Variants in COL6A6 observed in about 807,000 individuals in gnomAD.
The protein encoded by COL6A6 is collagen alpha-6(VI) chain.
A neutral mutation model predicts 208.6 loss-of-function variants in COL6A6; 183 were observed. The observed-to-expected ratio is 0.88, with a 90% CI of 0.78 to 0.99. The LOEUF (loss-of-function observed/expected upper bound fraction) is 0.99, where lower values mean the gene tolerates loss of function less well. COL6A6 is among the 50% of genes least tolerant of loss of function. The probability of loss-of-function intolerance (pLI) is 0.00; values close to 1 mark genes in which losing one functional copy is unlikely to be tolerated. For missense variants in COL6A6, 2,816 were observed against 2,815.2 expected (o/e 1.00, Z -0.01); for synonymous variants, 973 against 1,011.8 (o/e 0.96, Z 0.73).
At chr3:130,598,013 G>C (rs2063898089) in intron 18 of COL6A6, among the ~76,000 whole-genome samples, 1 of 152,120 alleles carries the variant, frequency 6.6e-6, no homozygotes, top group Non-Finnish European at 1.5e-5. Context: ...CAAGAAAAAA[G>C]AGGAAAAGTT....
rs199933702 is a variant in COL6A6, at chr3:130,581,618, C to G, written c.3605C>G (p.Thr1202Ser). 431 of 1,613,822 alleles carry G rather than the reference C, an allele frequency of 2.7e-4. 5 individuals are homozygous for G. The East Asian group carries it at 9.5e-3, about 36-fold the overall frequency. Residue 1202 changes from threonine to serine, a missense_variant, in exon 9 of 37, where the codon ACT (threonine) becomes AGT (serine). By Grantham distance (58) the Thr-to-Ser change is moderately conservative. Coordinates refer to ENST00000358511, the MANE Select transcript of COL6A6 (RefSeq NM_001102608.3). ...FDVSTQEKGQTLLEGQPWMET... is the reference protein window; with the variant it reads ...FDVSTQEKGQSLLEGQPWMET... Reference sequence around the variant, plus strand: ...GTCTCAACTCAGGAGAAAGGGCAGACTTTGCTTGAAGGTCAGCCTTGGATG... The same window carrying G: ...GTCTCAACTCAGGAGAAAGGGCAGAGTTTGCTTGAAGGTCAGCCTTGGATG...
chr3:130,574,524 C>T lies in COL6A6; in HGVS notation c.3546C>T (p.Ser1182=), dbSNP rs1376478378. 1 of 1,611,654 alleles carries T rather than the reference C, an allele frequency of 6.2e-7. No individual in the cohort carries two copies. The highest frequency in any genetic ancestry group is 8.5e-7 in the Non-Finnish European group (1 of 1,178,314). Residue 1182 remains serine (S), a splice_region_variant and synonymous_variant, in exon 8 of 37, where the codon AGC becomes AGT. Transcript: ENST00000358511. ...VRNICTTAGE[S]NCFVDVVVGF... is the part of the protein sequence containing the mutation. ...ACATCTGTACCACAGCGGGTGAAAG[C>T]AGTAAGTATTTAGCAAGTTCTTCAT...
In COL6A6 at chr3:130,642,834, T is replaced by G; in HGVS notation, c.5157T>G (p.Gly1719=). 1 of 1,613,752 alleles carries G rather than the reference T, an allele frequency of 6.2e-7. No homozygotes were observed. Among genetic ancestry groups the G allele is most frequent in the Non-Finnish European group, 8.5e-7 (1 of 1,179,704 alleles). ...CAATGTTTTGTTTGTTTTCCTAGGG[T>G]GTGAAAGGAGCCAAAGGCTTGGCTT... ...PGEPGPPGRK[G]VKGAKGLASF... The change falls in exon 30 of 37, where the codon GGT becomes GGG. Residue 1719 remains glycine, a splice_region_variant and synonymous_variant. Coordinates refer to ENST00000358511, the MANE Select transcript of COL6A6 (RefSeq NM_001102608.3).
At chr3:130,626,390 C>A in intron 24 of COL6A6, 95 bp from the exon 25 acceptor site, 2 of 911,738 alleles carry the variant, frequency 2.2e-6, no homozygotes, top group Non-Finnish European at 3.7e-6. Flanking sequence ...CAGTTCTGGG[C>A]ACAAACCCAT....
intron 23 of COL6A6, among the ~76,000 whole-genome samples, chr3:130,616,968 G>A (rs1015527909): frequency 6.6e-6 from 1 of 152,136 alleles, no homozygotes; most frequent in Non-Finnish European, 1.5e-5. Context: ...ATTGCCTGCA[G>A]TCACAAGCTC....
Position 130,621,808 on chromosome 3 carries a change from T to C in COL6A6, c.4816-13T>C. The stretch of plus-strand genomic sequence containing the variant: ...TGTTTTGCTATATTTGCAAACCCCT[T>C]GTTTTGTTTCAGGGGCCTCCAGGAC... On this transcript the variant is annotated splice_polypyrimidine_tract_variant and intron_variant, in intron 23 of 36. Transcript: ENST00000358511. The C allele has an allele frequency of 6.2e-7, 1 of 1,612,740 alleles. No homozygotes were observed. Among genetic ancestry groups the C allele is most frequent in the Non-Finnish European group, 8.5e-7 (1 of 1,179,112 alleles).
intron 36 of COL6A6, among the ~76,000 whole-genome samples, chr3:130,667,175 G>A (rs941557441): frequency 6.6e-6 from 1 of 152,164 alleles, no homozygotes; most frequent in Non-Finnish European, 1.5e-5. Flanking sequence ...CAGAAGAAGG[G>A]AATGAGATGC....
At chr3:130,591,124 TATCCCTAAAAAC>T in intron 13 of COL6A6, 30 bp downstream of exon 13, 1 of 1,508,092 alleles carries the variant, frequency 6.6e-7, no homozygotes, top group Non-Finnish European at 9.1e-7. Context: ...TACCTCCATT[TATCCCTAAAAAC>T]ATCTACAATA....
intron 1 of COL6A6, among the ~76,000 whole-genome samples, chr3:130,546,156 G>A (rs894822247): frequency 2.0e-5 from 3 of 152,106 alleles, no homozygotes; most frequent in Non-Finnish European, 2.9e-5. Flanking sequence ...CCGGACCCTC[G>A]CGGTGAGTGT....
intron 18 of COL6A6, 39 bp downstream of exon 18, chr3:130,594,382 TC>T: frequency 6.6e-7 from 1 of 1,525,748 alleles, no homozygotes; most frequent in Non-Finnish European, 9.0e-7. Flanking sequence ...AGGGCTTGAT[TC>T]CCATCCGTAC....
At chr3:130,667,901 T>A (rs984884796) in intron 36 of COL6A6, among the ~76,000 whole-genome samples, 18 of 151,358 alleles carry the variant, frequency 1.2e-4, no homozygotes, top group Admixed American at 1.1e-3. Flanking sequence ...AAAAAATGCA[T>A]AACAAATTTT....
At chr3:130,576,665 C>CAAA (rs3993280) in intron 8 of COL6A6, among the ~76,000 whole-genome samples, 2,385 of 150,656 alleles carry the variant, frequency 0.016, 64 homozygotes, top group African/African-American at 0.054. Context: ...GTCATGAATG[C>CAAA]AAAAAAAAAT....
chr3:130,591,108 CT>C lies in COL6A6; in HGVS notation c.4272+20del. The C allele has an allele frequency of 2.6e-6, 4 of 1,562,318 alleles. No individual in the cohort carries two copies. The highest frequency in any genetic ancestry group is 2.3e-5 in the East Asian group (1 of 43,534). ...GAGGGAATCGCTGTAAGTCAGGGCT[CT>C]TTTTTACCTCCATTTATCCCTAAAA... is the stretch of plus-strand genomic sequence containing the variant. On this transcript the variant is annotated intron_variant, in intron 13 of 36. Coordinates refer to ENST00000358511, the MANE Select transcript of COL6A6 (RefSeq NM_001102608.3).
chr3:130,586,542 C>T lies in COL6A6; in HGVS notation c.4007C>T (p.Pro1336Leu). Residue 1336 changes from proline (P) to leucine (L), a missense_variant, in exon 11 of 37, where the codon CCT (proline) becomes CTT (leucine). By Grantham distance (98) the Pro-to-Leu change is moderately conservative. Transcript: ENST00000358511. ...NALITVALDG[P>L]ADSSDLADLP... ...CTCATAACTGTTGCTCTGGATGGAC[C>T]TGCTGATTCAAGTGACTTGGCTGAT... 1 of 1,613,862 alleles carries T rather than the reference C, an allele frequency of 6.2e-7. No individual in the cohort carries two copies.
chr3:130,588,294 A>G (rs1411793818), intron 11 of COL6A6, among the ~76,000 whole-genome samples: 9 of 152,258 alleles, frequency 5.9e-5, no homozygotes, highest in Non-Finnish European at 1.3e-4. Flanking sequence ...TCACAATACA[A>G]AGATTGGTTC....
chr3:130,518,706 A>C (rs1710890130), intron 1 of COL6A6, among the ~76,000 whole-genome samples: 1 of 152,122 alleles, frequency 6.6e-6, no homozygotes, highest in South Asian at 2.1e-4. Flanking sequence ...GGGTTTCTCC[A>C]TTTTGGTCAG....
intron 8 of COL6A6, among the ~76,000 whole-genome samples, chr3:130,574,754 C>G (rs1286428384): frequency 6.6e-6 from 1 of 152,160 alleles, no homozygotes; most frequent in East Asian, 1.9e-4. Context: ...GGGGAGCATG[C>G]CTCCTTTGTG....
At chr3:130,553,769 C>T (rs747883345) in intron 1 of COL6A6, among the ~76,000 whole-genome samples, 1 of 151,762 alleles carries the variant, frequency 6.6e-6, no homozygotes, top group Non-Finnish European at 1.5e-5. Context: ...GATTCTTTCT[C>T]ATCTTTATGG....
At chr3:130,587,594 G>A (rs2063572648) in intron 11 of COL6A6, among the ~76,000 whole-genome samples, 2 of 152,224 alleles carry the variant, frequency 1.3e-5, no homozygotes, top group South Asian at 4.1e-4. Context: ...GTGGTAAAGT[G>A]TCAGCAAGCT....
Sources: gnomAD v4.1 joint callset for allele counts (sites outside exome capture counted in the v4.1 genomes callset) on GRCh38, gnomAD v4.1.1 for gene constraint, MANE v1.5 for transcripts, NCBI Gene and HGNC (gene_info 2026-07-23, HGNC 2026-07-21) for gene names.